The following TTC34 variants were observed in gnomAD, a reference collection of about 807,000 sequenced individuals.
TTC34 encodes the protein tetratricopeptide repeat domain 34.
A neutral mutation model predicts 40.7 loss-of-function variants in TTC34; 44 were observed. The ratio of observed to expected loss-of-function variants is 1.08; its 90% CI spans 0.85 to 1.39. The LOEUF is 1.39. Ranked by LOEUF, TTC34 falls within the 40% of genes most tolerant of loss-of-function variation. TTC34 has a pLI of 0.00. For missense variants in TTC34, 884 were observed against 838.0 expected (o/e 1.05, Z -0.68); for synonymous variants, 422 against 398.6 (o/e 1.06, Z -0.70).
intron 6 of TTC34, among the ~76,000 whole-genome samples, chr1:2,758,347 AC>A (rs1641574695): frequency 4.5e-5 from 3 of 67,120 alleles, no homozygotes; most frequent in Non-Finnish European, 7.4e-5. Flanking sequence ...GTGGAACAGC[AC>A]CCTGCACCCC....
At chr1:2,756,986 C>CTCCCAGGTGA (rs1641527909) in intron 6 of TTC34, among the ~76,000 whole-genome samples, 1 of 139,598 alleles carries the variant, frequency 7.2e-6, no homozygotes, top group Admixed American at 7.0e-5. Context: ...AGCACCCACA[C>CTCCCAGGTGA]GCCCAGGTGA....
At chr1:2,756,776 A>AGTGG (rs1641521603) in intron 6 of TTC34, among the ~76,000 whole-genome samples, 2 of 136,816 alleles carry the variant, frequency 1.5e-5, no homozygotes, top group Admixed American at 1.6e-4. Context: ...AGCCTGGAAC[A>AGTGG]GCATCCACAC....
chr1:2,654,612 C>A (rs202146404), intron 6 of TTC34, among the ~76,000 whole-genome samples: 1 of 152,178 alleles, frequency 6.6e-6, no homozygotes, highest in East Asian at 1.9e-4. Context: ...AGCTCCCACA[C>A]CCCCAGGTGA....
chr1:2,777,655 A>C (rs139908367), intron 6 of TTC34, among the ~76,000 whole-genome samples: 2,900 of 141,424 alleles, frequency 0.021, 40 homozygotes, highest in Non-Finnish European at 0.033. Context: ...AGCCTGTGCC[A>C]TGCCTCCTCT....
rs887739764 is a variant in TTC34, at chr1:2,644,492, A to C, written c.2498-14T>G. 5 of 1,529,434 alleles carry C rather than the reference A, an allele frequency of 3.3e-6. No homozygotes were observed. The African/African-American group carries it at 5.5e-5, about 17-fold the overall frequency. The allele number at this position is 1,529,434 out of a possible 1,614,324, so 94.7% of individuals were successfully genotyped here. On this transcript the variant is annotated splice_polypyrimidine_tract_variant and intron_variant, in intron 7 of 8. Coordinates refer to ENST00000401095, the Ensembl canonical transcript of TTC34. ...CCTCGTAGCTGCCTGTCAGGGATTC[A>C]GGAGGGACAGTCAGTGTGTGGGGTT... is the stretch of plus-strand genomic sequence containing the variant.
At chr1:2,688,026 T>C (rs796421389) in intron 6 of TTC34, among the ~76,000 whole-genome samples, 3 of 48,360 alleles carry the variant, frequency 6.2e-5, no homozygotes, top group Admixed American at 3.9e-4. Flanking sequence ...AGCATCTGAC[T>C]GCATGTAACA....
chr1:2,789,443 G>A, intron 3 of TTC34, 60 bp downstream of exon 3: 3 of 1,444,360 alleles, frequency 2.1e-6, no homozygotes, highest in Non-Finnish European at 1.8e-6. Flanking sequence ...CACATCCGTC[G>A]CTACCTCGAA....
Position 2,652,031 on chromosome 1 carries a change from C to A in TTC34, c.2227-6468G>T, listed in dbSNP as rs1175071294. ...CAGGTGAGCACCTGACATCGTGGAG[C>A]AGCAGCCCACACCCACAGGTGAGCA... On this transcript the variant is annotated intron_variant, in intron 6 of 8. Transcript: ENST00000401095. 6.0e-3 allele frequency among the ~76,000 whole-genome samples: 16 copies of A among 2,688 alleles called. 1 individual carries two copies. Among genetic ancestry groups the A allele is most frequent in the African/African-American group, 0.016 (16 of 978 alleles). 1.8% of individuals were successfully genotyped at this position (2,688 alleles called of 152,430 possible).
At chr1:2,787,786 T>C in intron 3 of TTC34, 80 bp from the exon 4 acceptor site, 1 of 1,232,652 alleles carries the variant, frequency 8.1e-7, no homozygotes, top group South Asian at 1.6e-5. Context: ...AGTGGGGAAA[T>C]CCCGTCTCCA....
chr1:2,687,583 G>C (rs1640422918), intron 6 of TTC34, among the ~76,000 whole-genome samples: 1 of 144,384 alleles, frequency 6.9e-6, no homozygotes, highest in East Asian at 2.1e-4. Flanking sequence ...GTGACGATCT[G>C]ACAGCCTGGA....
intron 8 of TTC34, among the ~76,000 whole-genome samples, chr1:2,642,407 C>T (rs972361249): frequency 5.3e-4 from 80 of 152,292 alleles, no homozygotes; most frequent in African/African-American, 1.9e-3. Flanking sequence ...GAAGGCTGCT[C>T]CAGGCCTCTG....
At chr1:2,695,088 C>G (rs1557625119) in intron 6 of TTC34, among the ~76,000 whole-genome samples, 1 of 149,302 alleles carries the variant, frequency 6.7e-6, no homozygotes, top group Admixed American at 6.7e-5. Context: ...AGGCGAGCAT[C>G]TGACAACCTG....
intron 6 of TTC34, among the ~76,000 whole-genome samples, chr1:2,697,757 C>CTGTT (rs1640935982): frequency 2.0e-5 from 3 of 150,780 alleles, no homozygotes; most frequent in South Asian, 2.1e-4. Context: ...CCTGGAAGAG[C>CTGTT]AACCACACCC....
At chr1:2,653,611 C>G (rs1369943916) in intron 6 of TTC34, among the ~76,000 whole-genome samples, 1 of 151,398 alleles carries the variant, frequency 6.6e-6, no homozygotes, top group South Asian at 2.1e-4. Context: ...ACCCTACACC[C>G]ACAAGTGAGC....
intron 2 of TTC34, among the ~76,000 whole-genome samples, chr1:2,797,569 G>A (rs1026452170): frequency 6.6e-6 from 1 of 152,200 alleles, no homozygotes; most frequent in South Asian, 2.1e-4. Context: ...CACTCAGTAG[G>A]TGACATTATT....
Position 2,645,708 on chromosome 1 carries a change from G to T in TTC34, c.2227-145C>A. On this transcript the variant is annotated intron_variant, in intron 6 of 8. Coordinates refer to ENST00000401095, the Ensembl canonical transcript of TTC34. This position sits in a 1 kb window ranked among gnomAD's most constrained non-coding sequence, Gnocchi z 4.7. ...AGAGGGTCTGAACACCCAGCTTCCT[G>T]CCCCTTCCTGCTTCTCTGTGGCTGC... is the stretch of plus-strand genomic sequence containing the variant. The T allele has an allele frequency of 1.3e-6, 1 of 761,108 alleles. No homozygotes were observed. The highest frequency in any genetic ancestry group is 1.9e-6 in the Non-Finnish European group (1 of 537,508). The allele number at this position is 761,108 out of a possible 1,614,324, so 47.1% of individuals were successfully genotyped here. A position where few individuals can be genotyped will look rare whatever the true frequency, so the allele number is the denominator to read the frequency against.
At chr1:2,751,515 C>T (rs1455809946) in intron 6 of TTC34, among the ~76,000 whole-genome samples, 2 of 66,122 alleles carry the variant, frequency 3.0e-5, no homozygotes, top group Non-Finnish European at 5.5e-5. Flanking sequence ...CAGCCTTGAA[C>T]AGCACCCTGC....
chr1:2,684,900 T>A (rs958668546), intron 6 of TTC34, among the ~76,000 whole-genome samples: 1 of 113,856 alleles, frequency 8.8e-6, no homozygotes, highest in Non-Finnish European at 1.7e-5. Context: ...TCTGACAGCC[T>A]GGAACAGCAC....
intron 3 of TTC34, among the ~76,000 whole-genome samples, chr1:2,788,816 A>G (rs889826257): frequency 6.6e-6 from 1 of 152,194 alleles, no homozygotes; most frequent in Non-Finnish European, 1.5e-5. Flanking sequence ...AACAAAGGCC[A>G]GGCGCGGTGG....
Sources: allele counts gnomAD v4.1 joint callset (sites outside exome capture counted in the v4.1 genomes callset), GRCh38; gene constraint gnomAD v4.1.1; non-coding constraint Gnocchi (gnomAD v3.1); transcripts MANE v1.5; gene names NCBI Gene and HGNC (gene_info 2026-07-23, HGNC 2026-07-21).